The following QRFPR variants were observed in gnomAD, a reference collection of about 807,000 sequenced individuals.
The protein encoded by QRFPR is pyroglutamylated RFamide peptide receptor.
In QRFPR, 37 loss-of-function variants were observed where a neutral mutation model predicts 31.3. That is an observed-to-expected ratio of 1.18 (90% CI 0.91 to 1.56). QRFPR has a LOEUF of 1.56. QRFPR is among the 40% of genes most tolerant of loss of function. The pLI is 0.00. For missense variants in QRFPR, 542 were observed against 532.5 expected, an observed-to-expected ratio of 1.02 and a Z score of -0.18; for synonymous variants, 197 against 192.0, an observed-to-expected ratio of 1.03 and a Z score of -0.22.
At chr4:121,352,153 A>T (rs564205221) in intron 1 of QRFPR, among the ~76,000 whole-genome samples, 123 of 152,166 alleles carry the variant, frequency 8.1e-4, no homozygotes, top group African/African-American at 2.8e-3. Flanking sequence ...CATTCATTAG[A>T]ATGTTTTGGA....
intron 1 of QRFPR, among the ~76,000 whole-genome samples, chr4:121,361,174 A>G (rs1350196860): frequency 1.5e-5 from 2 of 134,332 alleles, no homozygotes; most frequent in Non-Finnish European, 3.3e-5. Flanking sequence ...GAAATTTGTA[A>G]TTTCTGGAAA....
chr4:121,374,120 A>G (rs1405860638), intron 1 of QRFPR, among the ~76,000 whole-genome samples: 1 of 152,192 alleles, frequency 6.6e-6, no homozygotes, highest in Non-Finnish European at 1.5e-5. Flanking sequence ...ATTTCTTTGT[A>G]TGTCTTATAT....
At chr4:121,380,192 A>AGAGAGAGAGAGGGG (rs1560749151) in intron 1 of QRFPR, 116 bp downstream of exon 1, 1 of 152,944 alleles carries the variant, frequency 6.5e-6, no homozygotes, top group Admixed American at 1.1e-4. Context: ...GAGAGGAGAG[A>AGAGAGAGAGAGGGG]GAGAGAGAGA....
chr4:121,366,126 A>G (rs1423423946), intron 1 of QRFPR, among the ~76,000 whole-genome samples: 1 of 149,698 alleles, frequency 6.7e-6, no homozygotes, highest in Admixed American at 6.6e-5. Flanking sequence ...GTGGTGAAGC[A>G]TAATTCACTG....
intron 4 of QRFPR, among the ~76,000 whole-genome samples, chr4:121,331,192 T>G (rs1483692279): frequency 1.4e-5 from 2 of 141,342 alleles, no homozygotes; most frequent in East Asian, 2.0e-4. Flanking sequence ...TTTTTTTTTT[T>G]TTTTTTTTTT....
chr4:121,350,624 T>C (rs1449461494), intron 1 of QRFPR, among the ~76,000 whole-genome samples: 1 of 152,212 alleles, frequency 6.6e-6, no homozygotes, highest in South Asian at 2.1e-4. Flanking sequence ...ACACTGGACA[T>C]GCTTTTCAAA....
At chr4:121,352,160 T>G (rs1288381656) in intron 1 of QRFPR, among the ~76,000 whole-genome samples, 1 of 152,160 alleles carries the variant, frequency 6.6e-6, no homozygotes, top group East Asian at 1.9e-4. Context: ...TAGAATGTTT[T>G]GGATTATGAG....
chr4:121,365,630 A>ATATATAATATATAT (rs1726115461), intron 1 of QRFPR, among the ~76,000 whole-genome samples: 1 of 6,398 alleles, frequency 1.6e-4, no homozygotes, highest in Non-Finnish European at 3.2e-4. Flanking sequence ...ATTATATATT[A>ATATATAATATATAT]TATATATATT....
chr4:121,366,278 AT>A (rs764354455), intron 1 of QRFPR, among the ~76,000 whole-genome samples: 8 of 149,118 alleles, frequency 5.4e-5, no homozygotes, highest in Admixed American at 1.3e-4. Flanking sequence ...AAAAATTAAG[AT>A]TTTTTTTTAA....
rs1726023806 is a variant in QRFPR, at chr4:121,363,170, C to CA, written c.340+17137dup. On this transcript the variant is annotated intron_variant, in intron 1 of 5. Coordinates refer to ENST00000394427, the MANE Select transcript of QRFPR (RefSeq NM_198179.3). ...TGAAACCCCGTCTCTACTAAAGATA[C>CA]AAAAAATTAGTTGGGCGTGGTGGCG... Among the ~76,000 whole-genome samples, 2 of 149,684 alleles carry CA rather than the reference C, an allele frequency of 1.3e-5. 1 individual carries two copies. Among genetic ancestry groups the CA allele is most frequent in the Non-Finnish European group, 3.0e-5 (2 of 67,510 alleles).
At chr4:121,342,844 C>G (rs543281079) in intron 1 of QRFPR, among the ~76,000 whole-genome samples, 1 of 152,190 alleles carries the variant, frequency 6.6e-6, no homozygotes, top group African/African-American at 2.4e-5. Context: ...TTTAGAGAGG[C>G]CCTAATTGGA....
At chr4:121,363,301 G>A (rs1473779701) in intron 1 of QRFPR, among the ~76,000 whole-genome samples, 1 of 149,868 alleles carries the variant, frequency 6.7e-6, no homozygotes, top group Non-Finnish European at 1.5e-5. Flanking sequence ...ACTCCAGCCT[G>A]GGCAACAGAG....
chr4:121,369,653 T>C, intron 1 of QRFPR: 3 of 1,593,330 alleles, frequency 1.9e-6, no homozygotes, highest in Non-Finnish European at 2.6e-6. Flanking sequence ...ATCATACTTC[T>C]GAAGGGATCT....
At chr4:121,351,099 G>C (rs1379499945) in intron 1 of QRFPR, among the ~76,000 whole-genome samples, 1 of 152,136 alleles carries the variant, frequency 6.6e-6, no homozygotes, top group Non-Finnish European at 1.5e-5. Flanking sequence ...AAAGAAAGAA[G>C]GAAAGACAGC....
intron 3 of QRFPR, among the ~76,000 whole-genome samples, chr4:121,335,914 G>C (rs1725426011): frequency 6.6e-6 from 1 of 152,000 alleles, no homozygotes; most frequent in South Asian, 2.1e-4. Context: ...ATTTTTCCAG[G>C]TAGCAAGGGA....
intron 5 of QRFPR, among the ~76,000 whole-genome samples, chr4:121,330,152 T>A (rs935404850): frequency 6.6e-6 from 1 of 152,206 alleles, no homozygotes; most frequent in South Asian, 2.1e-4. Flanking sequence ...GTCACTCCTT[T>A]CCCAAAGTTT....
intron 1 of QRFPR, among the ~76,000 whole-genome samples, chr4:121,369,267 G>A (rs1051213977): frequency 2.6e-4 from 40 of 152,226 alleles, no homozygotes; most frequent in African/African-American, 9.2e-4. Context: ...GACCTCAGGT[G>A]ATCCACCTAA....
chr4:121,377,947 G>T (rs1290547170), intron 1 of QRFPR, among the ~76,000 whole-genome samples: 2 of 152,006 alleles, frequency 1.3e-5, no homozygotes, highest in Non-Finnish European at 2.9e-5. Flanking sequence ...CCTATAATGC[G>T]CAAGTTAATT....
At chr4:121,372,015 C>T (rs1163710017) in intron 1 of QRFPR, among the ~76,000 whole-genome samples, 1 of 152,206 alleles carries the variant, frequency 6.6e-6, no homozygotes, top group Admixed American at 6.5e-5. Flanking sequence ...TGGGGAGGAG[C>T]AACCCTTAAA....
Sources: gnomAD v4.1 joint callset for allele counts (sites outside exome capture counted in the v4.1 genomes callset) on GRCh38, gnomAD v4.1.1 for gene constraint, MANE v1.5 for transcripts, NCBI Gene and HGNC (gene_info 2026-07-23, HGNC 2026-07-21) for gene names.